The following RFX2 variants were observed in gnomAD, a reference collection of about 807,000 sequenced individuals.
RFX2 encodes the protein regulatory factor X2.
In RFX2, 20 loss-of-function variants were observed where a neutral mutation model predicts 87.8. The observed-to-expected ratio is 0.23, with a 90% CI of 0.16 to 0.33. The LOEUF is 0.33. RFX2 is among the 10% of genes least tolerant of loss of function. The pLI, the probability that RFX2 is intolerant of heterozygous loss-of-function variation, is 1.00. For missense variants in RFX2, 767 were observed against 1,012.3 expected (o/e 0.76, Z 3.29); for synonymous variants, 397 against 431.3 (o/e 0.92, Z 0.98).
At chr19:6,104,734 TGC>T (rs1452741363) in intron 1 of RFX2, among the ~76,000 whole-genome samples, 2 of 152,188 alleles carry the variant, frequency 1.3e-5, no homozygotes, top group Non-Finnish European at 2.9e-5. Flanking sequence ...TTTCTACATA[TGC>T]TTTCCCCATA....
intron 1 of RFX2, among the ~76,000 whole-genome samples, chr19:6,071,431 G>A (rs977932507): frequency 2.0e-5 from 3 of 152,122 alleles, no homozygotes; most frequent in African/African-American, 7.2e-5. Flanking sequence ...CAATTGGCCC[G>A]GGACAGAAAA....
At chr19:6,003,825 C>T (rs984999757) in intron 13 of RFX2, among the ~76,000 whole-genome samples, 14 of 136,144 alleles carry the variant, frequency 1.0e-4, no homozygotes, top group East Asian at 2.1e-4. Flanking sequence ...CTTGTGAGAA[C>T]GGTGGGTAAT....
Position 6,040,327 on chromosome 19 carries a change from G to A in RFX2, c.261-86C>T, listed in dbSNP as rs973751239. The stretch of plus-strand genomic sequence containing the variant: ...TCACAGATATCCAGCCAAACATCAC[G>A]TAAAAGCTGCAACCCAGAGAGGCCA... On this transcript the variant is annotated intron_variant, in intron 4 of 17. Coordinates refer to ENST00000303657, the MANE Select transcript of RFX2 (RefSeq NM_000635.4). This position sits in a 1 kb window ranked among gnomAD's most constrained non-coding sequence, Gnocchi z 6.1. 2.5e-5 allele frequency: 35 copies of A among 1,396,748 alleles called. No homozygotes were observed. Among genetic ancestry groups the A allele is most frequent in the South Asian group, 3.1e-5 (2 of 63,534 alleles). The allele number at this position is 1,396,748 out of a possible 1,614,324, so 86.5% of individuals were successfully genotyped here.
chr19:6,009,691 C>T (rs1458897012), intron 9 of RFX2, among the ~76,000 whole-genome samples: 1 of 152,150 alleles, frequency 6.6e-6, no homozygotes, highest in African/African-American at 2.4e-5. Flanking sequence ...AAGTGATCCT[C>T]CTGCCTCAGC....
Position 5,998,014 on chromosome 19 carries a change from A to G in RFX2, c.1860-801T>C, listed in dbSNP as rs2086439830. On this transcript the variant is annotated intron_variant, in intron 15 of 17. Transcript: ENST00000303657. This position sits in a 1 kb window ranked among gnomAD's most constrained non-coding sequence, Gnocchi z 4.2. ...GGCCCCTGACCTAAAGGATCAGTAT[A>G]AGACCAAAGGGGGCTAGGCACGGTC... 3.9e-5 allele frequency among the ~76,000 whole-genome samples: 6 copies of G among 152,186 alleles called. 1 individual carries two copies. The highest frequency in any genetic ancestry group is 3.9e-4 in the Admixed American group (6 of 15,290).
chr19:6,003,053 A>C (rs752251321), intron 13 of RFX2, among the ~76,000 whole-genome samples, 183 bp from the exon 14 acceptor site: 13 of 152,266 alleles, frequency 8.5e-5, no homozygotes, highest in Admixed American at 2.0e-4. Flanking sequence ...ATCAGTGAAG[A>C]GGAGACCTCG....
At chr19:6,098,885 T>G (rs1236599413) in intron 1 of RFX2, among the ~76,000 whole-genome samples, 5 of 147,454 alleles carry the variant, frequency 3.4e-5, no homozygotes, top group African/African-American at 1.3e-4. Flanking sequence ...CCTCTGCCAC[T>G]GCTCGTGGCC....
At chr19:6,092,537 G>A (rs781018060) in intron 1 of RFX2, among the ~76,000 whole-genome samples, 23 of 152,210 alleles carry the variant, frequency 1.5e-4, no homozygotes, top group Non-Finnish European at 2.8e-4. Context: ...GCTCGAGTCC[G>A]CGCAGGAGTC....
At chr19:6,014,098 A>T (rs2086694155) in intron 7 of RFX2, among the ~76,000 whole-genome samples, 1 of 152,158 alleles carries the variant, frequency 6.6e-6, no homozygotes, top group Admixed American at 6.5e-5. Flanking sequence ...CAGCTCACAG[A>T]GTCCTTACAG....
In RFX2 at chr19:6,016,399, C is replaced by T. The variant is rs1430246771; in HGVS notation, c.598-128G>A. On this transcript the variant is annotated intron_variant, in intron 6 of 17. Coordinates refer to ENST00000303657, the MANE Select transcript of RFX2 (RefSeq NM_000635.4). This position sits in a 1 kb window ranked among gnomAD's most constrained non-coding sequence, Gnocchi z 5.4. ...AATGGGATGAGGAAATCCATCTTTT[C>T]TTTCTTTTTGAGGCGGAGTCTTGCT... The T allele has an allele frequency of 1.6e-6, 1 of 629,490 alleles. No homozygotes were observed. The highest frequency in any genetic ancestry group is 2.7e-5 in the South Asian group (1 of 36,594). The allele number at this position is 629,490 out of a possible 1,614,324, so 39.0% of individuals were successfully genotyped here.
intron 6 of RFX2, among the ~76,000 whole-genome samples, chr19:6,025,616 C>T (rs139252877): frequency 3.1e-4 from 47 of 152,094 alleles, no homozygotes; most frequent in Admixed American, 6.5e-4. Context: ...TATGACAACC[C>T]GAGGAGGTAG....
In RFX2 at chr19:6,021,648, C is replaced by CT. The variant is rs1226375340; in HGVS notation, c.597+4514dup. Among the ~76,000 whole-genome samples, 20 of 152,318 alleles carry CT rather than the reference C, an allele frequency of 1.3e-4. No individual in the cohort carries two copies. The highest frequency in any genetic ancestry group is 1.2e-3 in the Admixed American group (19 of 15,306). ...CAAAGGCCCTGGGGCAGGTCCGAGC[C>CT]TGGTGCATTGGAGGAATAGCGAGGA... On this transcript the variant is annotated intron_variant, in intron 6 of 17. Transcript: ENST00000303657. The surrounding 1 kb of genome is among the most constrained non-coding windows in gnomAD (Gnocchi z 5.7).
chr19:6,075,200 T>G lies in RFX2; in HGVS notation c.-8-27696A>C, dbSNP rs10408227. The stretch of plus-strand genomic sequence containing the variant: ...TTTACAGCCACCCAGTCTATGGCCT[T>G]TTGCTGAAACAGCCCAAACAGATTA... On this transcript the variant is annotated intron_variant, in intron 1 of 17. Coordinates refer to ENST00000303657, the MANE Select transcript of RFX2 (RefSeq NM_000635.4). 4.8e-3 allele frequency among the ~76,000 whole-genome samples: 734 copies of G among 152,088 alleles called. 10 individuals are homozygous for G. Among genetic ancestry groups the G allele is most frequent in the African/African-American group, 0.016 (669 of 41,488 alleles).
intron 5 of RFX2, among the ~76,000 whole-genome samples, chr19:6,032,749 T>C (rs946660634): frequency 1.3e-5 from 2 of 152,240 alleles, no homozygotes; most frequent in Admixed American, 6.5e-5. Flanking sequence ...TTGTGTTTGT[T>C]ACTTAATATT....
Position 6,008,181 on chromosome 19 carries a change from G to T in RFX2, c.1059C>A (p.Gly353=). The change falls in exon 10 of 18, where the codon GGC becomes GGA. Residue 353 remains glycine, a synonymous_variant. Coordinates refer to ENST00000303657, the MANE Select transcript of RFX2 (RefSeq NM_000635.4). ...TGACGCCGTCCTGCAGCAGGAAGCT[G>T]CCCAGGTCGGGCGCTGGGAACTCGG... ...VFPEFPAPDL[G]SFLLQDGVTL... is the part of the protein sequence containing the mutation. 1 of 1,560,752 alleles carries T rather than the reference G, an allele frequency of 6.4e-7. No homozygotes were observed. Among genetic ancestry groups the T allele is most frequent in the Non-Finnish European group, 8.7e-7 (1 of 1,150,302 alleles).
In RFX2 at chr19:5,999,424, G is replaced by A. The variant is rs1463950690; in HGVS notation, c.1860-2211C>T. ...TCACTCTGCTCTTCTCAATTCTTCC[G>A]CTTGCAACCTTCCCTCTGTCCATGG... is the stretch of plus-strand genomic sequence containing the variant. On this transcript the variant is annotated intron_variant, in intron 15 of 17. Transcript: ENST00000303657. This position sits in a 1 kb window ranked among gnomAD's most constrained non-coding sequence, Gnocchi z 4.1. 6.6e-6 allele frequency among the ~76,000 whole-genome samples: 1 copy of A among 151,930 alleles called. No individual in the cohort carries two copies. Among genetic ancestry groups the A allele is most frequent in the Non-Finnish European group, 1.5e-5 (1 of 67,986 alleles).
At chr19:6,008,067 G>A (rs1469381997) in intron 10 of RFX2, 39 bp downstream of exon 10, 1 of 1,445,778 alleles carries the variant, frequency 6.9e-7, no homozygotes, top group Admixed American at 2.0e-5. Context: ...TTCCCGGGAG[G>A]GACACGCAGG....
chr19:6,108,051 A>C (rs1469331692), intron 1 of RFX2, among the ~76,000 whole-genome samples: 1 of 152,180 alleles, frequency 6.6e-6, no homozygotes, highest in Non-Finnish European at 1.5e-5. Context: ...AACTTAAAAA[A>C]CTAAAATATT....
At chr19:6,075,390 G>T (rs2087677603) in intron 1 of RFX2, among the ~76,000 whole-genome samples, 1 of 152,256 alleles carries the variant, frequency 6.6e-6, no homozygotes, top group South Asian at 2.1e-4. Context: ...TAGGGCACAG[G>T]GACACAATCT....
Sources: allele counts gnomAD v4.1 joint callset (sites outside exome capture counted in the v4.1 genomes callset), GRCh38; gene constraint gnomAD v4.1.1; non-coding constraint Gnocchi (gnomAD v3.1); transcripts MANE v1.5; gene names NCBI Gene and HGNC (gene_info 2026-07-23, HGNC 2026-07-21).